DEK: variants seen among roughly 807,000 people sequenced by gnomAD.
DEK encodes the protein protein DEK.
In DEK, 28 loss-of-function variants were observed where a neutral mutation model predicts 46.8. The ratio of observed to expected loss-of-function variants is 0.60; its 90% CI spans 0.44 to 0.82. DEK has a LOEUF of 0.82. DEK is among the 40% of genes least tolerant of loss of function. The pLI, the probability that DEK is intolerant of heterozygous loss-of-function variation, is 0.00. For synonymous variants in DEK, 160 were observed against 144.5 expected (o/e 1.11, Z -0.77); for missense variants, 416 against 430.6 (o/e 0.97, Z 0.30).
chr6:18,253,855 C>A (rs147377543), intron 6 of DEK, among the ~76,000 whole-genome samples: 1 of 151,922 alleles, frequency 6.6e-6, no homozygotes, highest in Non-Finnish European at 1.5e-5. Flanking sequence ...TGGGATTACA[C>A]GAGCGTGCCT....
intron 9 of DEK, among the ~76,000 whole-genome samples, chr6:18,230,770 A>G (rs1427048706): frequency 6.6e-6 from 1 of 152,172 alleles, no homozygotes; most frequent in African/African-American, 2.4e-5. Context: ...CTCCCACACA[A>G]TAATAATGGG....
intron 2 of DEK, among the ~76,000 whole-genome samples, chr6:18,261,415 A>T (rs1791859282): frequency 6.6e-6 from 1 of 152,186 alleles, no homozygotes. Flanking sequence ...TCTATTAAAA[A>T]TACAAAATCA....
intron 6 of DEK, among the ~76,000 whole-genome samples, chr6:18,252,509 C>CCA (rs1791425116): frequency 3.4e-5 from 1 of 29,144 alleles, no homozygotes; most frequent in African/African-American, 1.2e-4. Context: ...ACGCTGTCTC[C>CCA]AAAAAAAAAA....
Position 18,224,969 on chromosome 6 carries a change from C to G in DEK, c.*750G>C, listed in dbSNP as rs1790043661. On this transcript the variant is annotated 3_prime_UTR_variant, in exon 11 of 11. Coordinates refer to ENST00000652689, the MANE Select transcript of DEK (RefSeq NM_003472.4). ...AGGCAAAGCAGGGTAACTGTTCCTT[C>G]AGTGTTGCCATCACTGAATTGACTT... is the stretch of plus-strand genomic sequence containing the variant. 1 of 217,214 alleles carries G rather than the reference C, an allele frequency of 4.6e-6. No homozygotes were observed. The highest frequency in any genetic ancestry group is 9.3e-6 in the Non-Finnish European group (1 of 107,576). 13.5% of individuals were successfully genotyped at this position (217,214 alleles called of 1,614,324 possible).
Position 18,264,057 on chromosome 6 carries a change from G to A in DEK, c.-9-61C>T. 5 of 1,479,674 alleles carry A rather than the reference G, an allele frequency of 3.4e-6. No homozygotes were observed. In the South Asian group the frequency reaches 5.3e-5, roughly 16 times the overall value. 91.7% of individuals were successfully genotyped at this position (1,479,674 alleles called of 1,614,324 possible). ...CCTACTCCCGCAGGCAGGACCGGGC[G>A]GCCACCCTGAATGATGCTACCCTTC... On this transcript the variant is annotated intron_variant, in intron 1 of 10. Transcript: ENST00000652689.
rs1406203747 is a variant in DEK, at chr6:18,225,149, ATC to A, written c.*568_*569del. ...TGTTTTTTAAAAATACAAAAATAACATCTGTCACTTTTGTCATGCTGACAATT... is the reference window on the plus strand; with the variant it reads ...TGTTTTTTAAAAATACAAAAATAACATGTCACTTTTGTCATGCTGACAATT... On this transcript the variant is annotated 3_prime_UTR_variant, in exon 11 of 11. Transcript: ENST00000652689. 1.8e-5 allele frequency: 4 copies of A among 220,986 alleles called. No individual in the cohort carries two copies. The highest frequency in any genetic ancestry group is 3.6e-5 in the Non-Finnish European group (4 of 110,326). 13.7% of individuals were successfully genotyped at this position (220,986 alleles called of 1,614,324 possible). A position where few individuals can be genotyped will look rare whatever the true frequency, so the allele number is the denominator to read the frequency against.
chr6:18,255,389 T>G (rs2151092298), intron 6 of DEK, among the ~76,000 whole-genome samples: 1 of 152,332 alleles, frequency 6.6e-6, no homozygotes, highest in South Asian at 2.1e-4. Flanking sequence ...GTTGCACCCC[T>G]TCCCTCCAGC....
At chr6:18,227,600 T>C (rs907770514) in intron 9 of DEK, among the ~76,000 whole-genome samples, 47 of 152,190 alleles carry the variant, frequency 3.1e-4, no homozygotes, top group African/African-American at 1.1e-3. Context: ...AGTCCCCTTA[T>C]TTCTTTCTCT....
chr6:18,252,996 A>T (rs768675476), intron 6 of DEK, among the ~76,000 whole-genome samples: 1 of 152,244 alleles, frequency 6.6e-6, no homozygotes, highest in Non-Finnish European at 1.5e-5. Context: ...GAAGATATAC[A>T]TAAATATGGC....
At chr6:18,254,262 C>G (rs1791510563) in intron 6 of DEK, among the ~76,000 whole-genome samples, 1 of 152,082 alleles carries the variant, frequency 6.6e-6, no homozygotes, top group Admixed American at 6.5e-5. Context: ...ACCTGGGAGA[C>G]AGTGGTTGCA....
chr6:18,244,687 A>C (rs964374714), intron 7 of DEK: 24 of 589,838 alleles, frequency 4.1e-5, no homozygotes, highest in Non-Finnish European at 5.3e-5. Flanking sequence ...TCAGAATGCC[A>C]AGAGGAAAGA....
chr6:18,249,845 T>C lies in DEK; in HGVS notation c.574-6A>G. On this transcript the variant is annotated splice_polypyrimidine_tract_variant and splice_region_variant and intron_variant, in intron 6 of 10. Transcript: ENST00000652689. ...TTTTTAGATTTCGGCAATGGCTGCA[T>C]AAAAATTTATAAAGATAACACCAAT... 6.3e-7 allele frequency: 1 copy of C among 1,587,446 alleles called. No homozygotes were observed.
At chr6:18,262,201 G>C (rs1791906280) in intron 2 of DEK, among the ~76,000 whole-genome samples, 1 of 151,454 alleles carries the variant, frequency 6.6e-6, no homozygotes, top group South Asian at 2.1e-4. Context: ...AAATACTGGC[G>C]CCATGCTTCT....
At chr6:18,248,764 G>A (rs923277794) in intron 7 of DEK, among the ~76,000 whole-genome samples, 5 of 151,848 alleles carry the variant, frequency 3.3e-5, no homozygotes, top group African/African-American at 9.7e-5. Flanking sequence ...TCCTTGTCTC[G>A]CCCCAGGGAC....
At chr6:18,261,485 TC>T (rs1273691572) in intron 2 of DEK, among the ~76,000 whole-genome samples, 1 of 152,060 alleles carries the variant, frequency 6.6e-6, no homozygotes, top group Non-Finnish European at 1.5e-5. Context: ...GGCAGTAGAA[TC>T]CCTTGAACCA....
chr6:18,262,348 T>A (rs1216032350), intron 2 of DEK, among the ~76,000 whole-genome samples: 1 of 150,672 alleles, frequency 6.6e-6, no homozygotes, highest in Non-Finnish European at 1.5e-5. Context: ...GCTTCCATGA[T>A]GCCTCAGTTC....
chr6:18,228,395 G>A (rs147127035), intron 9 of DEK, among the ~76,000 whole-genome samples: 99 of 152,100 alleles, frequency 6.5e-4, no homozygotes, highest in Admixed American at 1.4e-3. Flanking sequence ...GCCCCGGGAG[G>A]TTCCAAGATG....
chr6:18,259,897 G>A (rs1791778902), intron 2 of DEK, among the ~76,000 whole-genome samples: 1 of 152,204 alleles, frequency 6.6e-6, no homozygotes, highest in Admixed American at 6.5e-5. Flanking sequence ...TGTACAGAAT[G>A]AAGACCAAAC....
chr6:18,254,772 T>C (rs1030260802), intron 6 of DEK, among the ~76,000 whole-genome samples: 1 of 152,186 alleles, frequency 6.6e-6, no homozygotes, highest in African/African-American at 2.4e-5. Flanking sequence ...ATAGTAAAAG[T>C]TAGAAAATAA....
Sources: gnomAD v4.1 joint callset for allele counts (sites outside exome capture counted in the v4.1 genomes callset) on GRCh38, gnomAD v4.1.1 for gene constraint, MANE v1.5 for transcripts, NCBI Gene and HGNC (gene_info 2026-07-23, HGNC 2026-07-21) for gene names.